Variants in TUBAL3 observed in about 807,000 individuals in gnomAD.
TUBAL3 encodes the protein tubulin alpha chain-like 3.
A neutral mutation model predicts 15.5 loss-of-function variants in TUBAL3; 16 were observed. The ratio of observed to expected loss-of-function variants is 1.04; its 90% confidence interval spans 0.70 to 1.57. The LOEUF (loss-of-function observed/expected upper bound fraction) is 1.57. Ranked by LOEUF, TUBAL3 falls within the 40% of genes most tolerant of loss-of-function variation. The pLI, the probability that TUBAL3 is intolerant of heterozygous loss-of-function variation, is 0.00. For synonymous variants in TUBAL3, 238 were observed against 224.3 expected, an observed-to-expected ratio of 1.06 and a Z score of -0.55; for missense variants, 609 against 576.2, an observed-to-expected ratio of 1.06 and a Z score of -0.58.
Position 5,395,384 on chromosome 10 carries a change from G to A in TUBAL3, c.339C>T (p.Gly113=). Residue 113 remains glycine, a synonymous_variant, in exon 3 of 4, where the codon GGC becomes GGT. Coordinates refer to ENST00000380419, the MANE Select transcript of TUBAL3 (RefSeq NM_024803.3). The surrounding 1 kb of genome is among the most constrained non-coding windows in gnomAD (Gnocchi z 4.6). The part of the protein sequence containing the change: ...KEDAANNYAR[G]RYSVGSEVID... ...TGACCTCCGACCCCACAGAGTAACG[G>A]CCTCGCGCGTAATTGTTAGCAGCAT... 1 of 1,606,528 alleles carries A rather than the reference G, an allele frequency of 6.2e-7. No individual in the cohort carries two copies. Among genetic ancestry groups the A allele is most frequent in the Non-Finnish European group, 8.5e-7 (1 of 1,175,566 alleles).
In TUBAL3 at chr10:5,394,050, G is replaced by A. The variant is rs1554813818; in HGVS notation, c.808C>T (p.Pro270Ser). 8.7e-6 allele frequency: 14 copies of A among 1,614,190 alleles called. No homozygotes were observed. Among genetic ancestry groups the A allele is most frequent in the Non-Finnish European group, 1.2e-5 (14 of 1,180,034 alleles). Residue 270 changes from proline to serine, a missense_variant, in exon 4 of 4, where the codon CCG becomes TCG. Transcript: ENST00000380419. The surrounding 1 kb of genome is among the most constrained non-coding windows in gnomAD (Gnocchi z 4.3). ...GCTGTCATGGGGAAATGTATTCTCGGATAAGGTACCAGGTTGGTCTGGAAT... is the reference window on the plus strand; with the variant it reads ...GCTGTCATGGGGAAATGTATTCTCGAATAAGGTACCAGGTTGGTCTGGAAT... Reference protein sequence around the residue: ...IEFQTNLVPYPRIHFPMTAFA... With the variant: ...IEFQTNLVPYSRIHFPMTAFA...
Position 5,401,068 on chromosome 10 carries a change from T to G in TUBAL3, c.23A>C (p.His8Pro). Residue 8 changes from histidine (H) to proline (P), a missense_variant, in exon 2 of 4, where the codon CAC (histidine) becomes CCC (proline). Coordinates refer to ENST00000380419, the MANE Select transcript of TUBAL3 (RefSeq NM_024803.3). MRECLSI[H>P]IGQAGIQIGD... ...AATCTGGATGCCAGCTTGACCGATG[T>G]GGATGGAAAGGCACTCCCTCTAAAA... is the stretch of plus-strand genomic sequence containing the variant. The G allele has an allele frequency of 6.2e-7, 1 of 1,614,162 alleles. No homozygotes were observed. Among genetic ancestry groups the G allele is most frequent in the African/African-American group, 1.3e-5 (1 of 75,044 alleles).
Position 5,393,957 on chromosome 10 carries a change from C to T in TUBAL3, c.901G>A (p.Ala301Thr), listed in dbSNP as rs148559873. The part of the protein sequence containing the change: ...EQFSVSDITT[A>T]CFESSNQLVK... ...AGCTGGTTGGAGGACTCAAAGCAGG[C>T]AGTGGTGATGTCTGACACAGAGAAC... The change falls in exon 4 of 4, where the codon GCC (alanine) becomes ACC (threonine). Residue 301 changes from alanine (A) to threonine (T), a missense_variant. Coordinates refer to ENST00000380419, the MANE Select transcript of TUBAL3 (RefSeq NM_024803.3). The T allele has an allele frequency of 1.1e-5, 17 of 1,614,058 alleles. No homozygotes were observed. Among genetic ancestry groups the T allele is most frequent in the Admixed American group, 1.7e-5 (1 of 59,994 alleles).
Position 5,393,808 on chromosome 10 carries a change from A to G in TUBAL3, c.1050T>C (p.Phe350=), listed in dbSNP as rs1831715057. ...AATKSRHSVQ[F]VDWCPTGFKV... is the part of the protein sequence containing the mutation. ...TGAAACCAGTTGGACACCAATCTAC[A>G]AACTGAACAGAGTGCCTCGACTTCG... The change falls in exon 4 of 4, where the codon TTT becomes TTC. Residue 350 remains phenylalanine (F), a synonymous_variant. Transcript: ENST00000380419. The G allele has an allele frequency of 1.2e-6, 2 of 1,614,222 alleles. No individual in the cohort carries two copies. Among genetic ancestry groups the G allele is most frequent in the East Asian group, 4.5e-5 (2 of 44,876 alleles).
rs1267315771 is a variant in TUBAL3, at chr10:5,396,764, G to C, written c.248-1289C>G. On this transcript the variant is annotated intron_variant, in intron 2 of 3. Transcript: ENST00000380419. The surrounding 1 kb of genome is among the most constrained non-coding windows in gnomAD (Gnocchi z 5.1). The stretch of plus-strand genomic sequence containing the variant: ...CAGCATGCCCTACTCCTCCACCTTA[G>C]AATTACTCAAATAGCATTATTCCTG... Among the ~76,000 whole-genome samples, 1 of 152,154 alleles carries C rather than the reference G, an allele frequency of 6.6e-6. No individual in the cohort carries two copies. The highest frequency in any genetic ancestry group is 1.9e-4 in the East Asian group (1 of 5,200).
intron 2 of TUBAL3, among the ~76,000 whole-genome samples, chr10:5,399,578 C>T (rs1047100897): frequency 3.9e-5 from 6 of 152,296 alleles, no homozygotes; most frequent in African/African-American, 7.2e-5. Flanking sequence ...TACAGCAGTC[C>T]GAGTTGACCA....
chr10:5,398,436 A>C (rs1236519024), intron 2 of TUBAL3, among the ~76,000 whole-genome samples: 3 of 151,412 alleles, frequency 2.0e-5, no homozygotes, highest in Non-Finnish European at 3.0e-5. Context: ...AAAAAAAAAA[A>C]AAAAAAAAAA....
At position 5,397,705 on chromosome 10, in the gene TUBAL3, C is replaced by T. The variant is rs1831785069; in HGVS notation, c.248-2230G>A. 6.6e-6 allele frequency among the ~76,000 whole-genome samples: 1 copy of T among 152,192 alleles called. No homozygotes were observed. Among genetic ancestry groups the T allele is most frequent in the South Asian group, 2.1e-4 (1 of 4,830 alleles). ...TGGCTTTTGAACAATTACATGATGG[C>T]TCCTTAGCTTCCTTAACTACGGTGT... On this transcript the variant is annotated intron_variant, in intron 2 of 3. Coordinates refer to ENST00000380419, the MANE Select transcript of TUBAL3 (RefSeq NM_024803.3). The surrounding 1 kb of genome is among the most constrained non-coding windows in gnomAD (Gnocchi z 4.9).
At position 5,397,000 on chromosome 10, in the gene TUBAL3, A is replaced by G. The variant is rs1310818920; in HGVS notation, c.248-1525T>C. ...GATTATAACAAGATCTACCCCATTGAGCTGTTACGAGAACATAGGGCACAA... is the reference window on the plus strand; with the variant it reads ...GATTATAACAAGATCTACCCCATTGGGCTGTTACGAGAACATAGGGCACAA... On this transcript the variant is annotated intron_variant, in intron 2 of 3. Transcript: ENST00000380419. The surrounding 1 kb of genome is among the most constrained non-coding windows in gnomAD (Gnocchi z 5.1). Among the ~76,000 whole-genome samples the G allele has an allele frequency of 6.6e-6, 1 of 152,176 alleles. No individual in the cohort carries two copies. Among genetic ancestry groups the G allele is most frequent in the Non-Finnish European group, 1.5e-5 (1 of 68,032 alleles).
chr10:5,400,477 C>T (rs113022477), intron 2 of TUBAL3, among the ~76,000 whole-genome samples: 9,971 of 152,128 alleles, frequency 0.066, 1,100 homozygotes, highest in African/African-American at 0.22. Flanking sequence ...ACTAAAAATA[C>T]AAAAATTAAC....
intron 1 of TUBAL3, among the ~76,000 whole-genome samples, chr10:5,401,453 TGC>T (rs142549339): frequency 7.0e-6 from 1 of 143,844 alleles, no homozygotes; most frequent in Non-Finnish European, 1.5e-5. Context: ...TGTGTGTGTG[TGC>T]GTGTAGTTAT....
intron 1 of TUBAL3, 148 bp from the exon 2 acceptor site, chr10:5,401,235 T>C: frequency 1.0e-6 from 1 of 989,944 alleles, no homozygotes; most frequent in Non-Finnish European, 1.5e-6. Flanking sequence ...AAGCGTTTCA[T>C]GGAAACCAAG....
chr10:5,399,589 A>T (rs1321700802), intron 2 of TUBAL3, among the ~76,000 whole-genome samples: 3 of 152,232 alleles, frequency 2.0e-5, no homozygotes, highest in Non-Finnish European at 4.4e-5. Flanking sequence ...GAGTTGACCA[A>T]GACAGGCATC....
intron 2 of TUBAL3, among the ~76,000 whole-genome samples, chr10:5,398,548 G>A (rs943977773): frequency 3.3e-5 from 5 of 151,464 alleles, no homozygotes; most frequent in East Asian, 1.9e-4. Flanking sequence ...CTATGATTAC[G>A]CCACTGCACT....
In TUBAL3 at chr10:5,394,587, T is replaced by C; in HGVS notation, c.397-126A>G. The C allele has an allele frequency of 2.5e-6, 2 of 800,442 alleles. No individual in the cohort carries two copies. Among genetic ancestry groups the C allele is most frequent in the Non-Finnish European group, 1.9e-6 (1 of 519,608 alleles). The allele number at this position is 800,442 out of a possible 1,614,324, so 49.6% of individuals were successfully genotyped here. A position where few individuals can be genotyped will look rare whatever the true frequency, so the allele number is the denominator to read the frequency against. ...TCTTTCAGAAAGGACTCCTTTGCCT[T>C]TGTTAACTCCACAACAAACATAGCT... is the stretch of plus-strand genomic sequence containing the variant. On this transcript the variant is annotated intron_variant, in intron 3 of 3. Transcript: ENST00000380419. This position sits in a 1 kb window ranked among gnomAD's most constrained non-coding sequence, Gnocchi z 4.3.
intron 2 of TUBAL3, among the ~76,000 whole-genome samples, chr10:5,400,248 T>C (rs1831829194): frequency 6.6e-6 from 1 of 152,198 alleles, no homozygotes; most frequent in African/African-American, 2.4e-5. Flanking sequence ...AGCAAATGGC[T>C]CTCAAACCCA....
At chr10:5,401,261 A>T (rs1325546961) in intron 1 of TUBAL3, among the ~76,000 whole-genome samples, 174 bp from the exon 2 acceptor site, 2 of 152,254 alleles carry the variant, frequency 1.3e-5, no homozygotes, top group Admixed American at 1.3e-4. Context: ...GGGTACAGCT[A>T]AGCTTCAGGG....
Position 5,396,053 on chromosome 10 carries a change from C to A in TUBAL3, c.248-578G>T, listed in dbSNP as rs564351707. Among the ~76,000 whole-genome samples the A allele has an allele frequency of 1.3e-5, 2 of 152,322 alleles. No homozygotes were observed. Among genetic ancestry groups the A allele is most frequent in the African/African-American group, 4.8e-5 (2 of 41,578 alleles). On this transcript the variant is annotated intron_variant, in intron 2 of 3. Coordinates refer to ENST00000380419, the MANE Select transcript of TUBAL3 (RefSeq NM_024803.3). The surrounding 1 kb of genome is among the most constrained non-coding windows in gnomAD (Gnocchi z 5.1). Reference sequence around the variant, plus strand: ...AGGACCTCATTTTAACTAGCTACATCAGCAAAGACCCTGTTTCCAAATAAA... The same window carrying A: ...AGGACCTCATTTTAACTAGCTACATAAGCAAAGACCCTGTTTCCAAATAAA...
At chr10:5,404,685 C>G (rs1469288510) in intron 1 of TUBAL3, 105 bp downstream of exon 1, 19 of 1,203,144 alleles carry the variant, frequency 1.6e-5, no homozygotes, top group African/African-American at 6.0e-5. Context: ...TTACAAATGT[C>G]TTCTCTTGCA....
Sources: gnomAD v4.1 joint callset for allele counts (sites outside exome capture counted in the v4.1 genomes callset) on GRCh38, gnomAD v4.1.1 for gene constraint, Gnocchi (gnomAD v3.1) non-coding constraint, MANE v1.5 for transcripts, NCBI Gene and HGNC (gene_info 2026-07-23, HGNC 2026-07-21) for gene names.